The following GALNT9 variants were observed in gnomAD, a reference collection of about 807,000 sequenced individuals.
GALNT9 encodes polypeptide N-acetylgalactosaminyltransferase 9.
Under a neutral mutation model 63.1 loss-of-function variants are expected in GALNT9, and 47 were observed. The observed-to-expected ratio is 0.75, with a 90% CI of 0.59 to 0.95. The LOEUF is 0.95. Among genes scored for constraint, GALNT9 ranks in the 40% least tolerant of loss-of-function variants. GALNT9 has a pLI of 0.00. For synonymous variants in GALNT9, 396 were observed against 365.7 expected (o/e 1.08, Z -0.94); for missense variants, 829 against 874.8 (o/e 0.95, Z 0.66).
In GALNT9 at chr12:132,327,142, C is replaced by T. The variant is rs1399482127; in HGVS notation, c.238+1824G>A. 5.3e-5 allele frequency among the ~76,000 whole-genome samples: 8 copies of T among 151,834 alleles called. No homozygotes were observed. Among genetic ancestry groups the T allele is most frequent in the Non-Finnish European group, 1.0e-4 (7 of 67,994 alleles). On this transcript the variant is annotated intron_variant, in intron 1 of 10. Transcript: ENST00000328957. The surrounding 1 kb of genome is among the most constrained non-coding windows in gnomAD (Gnocchi z 4.3). ...ATGGCAGGGGCCGTTCGGAGAAAGG[C>T]TGACAAGGGAGGACAGCTAGGATGA...
chr12:132,225,610 C>T (rs1877639556), intron 6 of GALNT9, among the ~76,000 whole-genome samples: 1 of 148,852 alleles, frequency 6.7e-6, no homozygotes, highest in African/African-American at 2.5e-5. Flanking sequence ...ACACACCCCA[C>T]ACATGCACAT....
chr12:132,275,976 T>G (rs569711867), intron 2 of GALNT9: 1 of 152,512 alleles, frequency 6.6e-6, no homozygotes, highest in Admixed American at 6.5e-5. Context: ...CTCTTTCTGC[T>G]TAGAGAGTCC....
intron 5 of GALNT9, among the ~76,000 whole-genome samples, chr12:132,253,102 T>C (rs1247456542): frequency 2.6e-5 from 4 of 152,172 alleles, no homozygotes; most frequent in Non-Finnish European, 5.9e-5. Context: ...TTCTATGCAC[T>C]TATAAGAAAG....
At chr12:132,211,438 A>G (rs1175650518) in intron 6 of GALNT9, among the ~76,000 whole-genome samples, 2 of 152,244 alleles carry the variant, frequency 1.3e-5, no homozygotes, top group African/African-American at 2.4e-5. Flanking sequence ...GCACCGACCT[A>G]GTACGAGAAA....
intron 2 of GALNT9, among the ~76,000 whole-genome samples, chr12:132,285,207 C>T (rs1555242046): frequency 1.3e-5 from 2 of 152,234 alleles, no homozygotes; most frequent in African/African-American, 2.4e-5. Context: ...GCTGAGGCCA[C>T]CTGCCACCAC....
At chr12:132,284,925 T>C (rs1555242021) in intron 2 of GALNT9, among the ~76,000 whole-genome samples, 6 of 152,168 alleles carry the variant, frequency 3.9e-5, no homozygotes, top group Non-Finnish European at 8.8e-5. Context: ...CCTCCCTCTG[T>C]CCACACATGG....
intron 7 of GALNT9, among the ~76,000 whole-genome samples, chr12:132,202,118 C>T (rs578022594): frequency 7.2e-5 from 11 of 152,344 alleles, no homozygotes; most frequent in South Asian, 4.1e-4. Flanking sequence ...AAAGTGGGGA[C>T]GATCACGCCA....
chr12:132,251,487 G>A (rs1878913843), intron 5 of GALNT9, among the ~76,000 whole-genome samples: 3 of 152,294 alleles, frequency 2.0e-5, no homozygotes, highest in South Asian at 4.1e-4. Context: ...GGTTGGGGTC[G>A]CTGACTCCTT....
chr12:132,274,294 T>C (rs28704951), intron 2 of GALNT9: 12,197 of 152,874 alleles, frequency 0.08, 1,590 homozygotes, highest in African/African-American at 0.28. Context: ...CTCTGTGGCC[T>C]GCGCTCCAGG....
chr12:132,258,638 C>A (rs1310377669), intron 4 of GALNT9, among the ~76,000 whole-genome samples: 1 of 152,186 alleles, frequency 6.6e-6, no homozygotes, highest in South Asian at 2.1e-4. Flanking sequence ...GCCTAATGGG[C>A]CTGCAGGGCT....
chr12:132,207,504 C>A (rs1346389891), intron 6 of GALNT9, among the ~76,000 whole-genome samples: 1 of 152,208 alleles, frequency 6.6e-6, no homozygotes, highest in African/African-American at 2.4e-5. Context: ...AGGTGCCAGC[C>A]CCGTCAGTGT....
At chr12:132,264,209 C>T (rs1394311598) in intron 2 of GALNT9, among the ~76,000 whole-genome samples, 2 of 152,242 alleles carry the variant, frequency 1.3e-5, no homozygotes, top group African/African-American at 4.8e-5. Flanking sequence ...AACAGAAGGC[C>T]TCCCTGCAAG....
intron 6 of GALNT9, among the ~76,000 whole-genome samples, chr12:132,235,468 G>A (rs1877969421): frequency 6.6e-6 from 1 of 152,106 alleles, no homozygotes; most frequent in Non-Finnish European, 1.5e-5. Context: ...TGCGGGAACT[G>A]GAGCTCAGAA....
At chr12:132,285,348 G>GC (rs1372721824) in intron 2 of GALNT9, among the ~76,000 whole-genome samples, 1 of 152,248 alleles carries the variant, frequency 6.6e-6, no homozygotes, top group Non-Finnish European at 1.5e-5. Flanking sequence ...AGGAGGGGCT[G>GC]GCCAAGCCTG....
intron 1 of GALNT9, among the ~76,000 whole-genome samples, chr12:132,293,072 CA>C (rs1203425047): frequency 5.3e-5 from 8 of 151,956 alleles, no homozygotes; most frequent in African/African-American, 1.2e-4. Context: ...CTGCCATAAT[CA>C]GGGGGCATTG....
chr12:132,287,067 C>A (rs60304554), intron 1 of GALNT9, among the ~76,000 whole-genome samples: 1 of 90,682 alleles, frequency 1.1e-5, no homozygotes, highest in Non-Finnish European at 2.8e-5. Context: ...GCGCCCCCCC[C>A]CCCCCCCGTG....
At chr12:132,303,226 C>G (rs964899669) in intron 1 of GALNT9, among the ~76,000 whole-genome samples, 1 of 152,066 alleles carries the variant, frequency 6.6e-6, no homozygotes, top group Non-Finnish European at 1.5e-5. Context: ...GGGCAGGCGC[C>G]CTGAGTGGAT....
Position 132,310,233 on chromosome 12 carries a change from C to G in GALNT9, c.238+18733G>C, listed in dbSNP as rs1881764072. 1.3e-5 allele frequency among the ~76,000 whole-genome samples: 2 copies of G among 152,156 alleles called. No individual in the cohort carries two copies. The highest frequency in any genetic ancestry group is 2.9e-5 in the Non-Finnish European group (2 of 68,024). ...TGGGGCTGGGCTTGTGAGGGTGCCA[C>G]CAGCCCTCCAGGTCTCACCGGCCAC... On this transcript the variant is annotated intron_variant, in intron 1 of 10. Coordinates refer to ENST00000328957, the MANE Select transcript of GALNT9 (RefSeq NM_001122636.2). This position sits in a 1 kb window ranked among gnomAD's most constrained non-coding sequence, Gnocchi z 4.8.
chr12:132,252,322 A>G lies in GALNT9; in HGVS notation c.960-4295T>C, dbSNP rs2135537848. ...CTCCTGCAGCCGCATCCCCGCCACG[A>G]CTGAAGCCTTCGTGTCTTGCGGACG... On this transcript the variant is annotated intron_variant, in intron 5 of 10. Transcript: ENST00000328957. The surrounding 1 kb of genome is among the most constrained non-coding windows in gnomAD (Gnocchi z 5.2). 6.6e-6 allele frequency among the ~76,000 whole-genome samples: 1 copy of G among 152,336 alleles called. No individual in the cohort carries two copies. Among genetic ancestry groups the G allele is most frequent in the East Asian group, 1.9e-4 (1 of 5,180 alleles).
Sources: allele counts gnomAD v4.1 joint callset (sites outside exome capture counted in the v4.1 genomes callset), GRCh38; gene constraint gnomAD v4.1.1; non-coding constraint Gnocchi (gnomAD v3.1); transcripts MANE v1.5; gene names NCBI Gene and HGNC (gene_info 2026-07-23, HGNC 2026-07-21).